Variants in MAP2K5 observed in about 807,000 individuals in gnomAD.
The protein encoded by MAP2K5 is dual specificity mitogen-activated protein kinase kinase 5.
Under a neutral mutation model 83.1 loss-of-function variants are expected in MAP2K5, and 49 were observed. That is an observed-to-expected ratio of 0.59 (90% CI 0.47 to 0.75). The LOEUF is 0.75. Ranked by LOEUF, MAP2K5 falls within the 30% of genes least tolerant of loss-of-function variation. The pLI is 0.00. For missense variants in MAP2K5, 457 were observed against 557.5 expected (o/e 0.82, Z 1.82); for synonymous variants, 202 against 191.8 (o/e 1.05, Z -0.44).
At chr15:67,626,505 C>T (rs1038987440) in intron 8 of MAP2K5, among the ~76,000 whole-genome samples, 6 of 151,898 alleles carry the variant, frequency 4.0e-5, no homozygotes, top group Admixed American at 3.3e-4. Context: ...CTAGTCTGGG[C>T]GACAGAGCAA....
chr15:67,582,680 G>A (rs959982684), intron 4 of MAP2K5, among the ~76,000 whole-genome samples: 2 of 151,982 alleles, frequency 1.3e-5, no homozygotes, highest in East Asian at 3.9e-4. Flanking sequence ...AAATTAGCCG[G>A]GCGTGGTGCA....
Position 67,693,501 on chromosome 15 carries a change from A to T in MAP2K5, c.922-17A>T. 1.3e-6 allele frequency: 2 copies of T among 1,599,514 alleles called. No individual in the cohort carries two copies. The highest frequency in any genetic ancestry group is 2.2e-5 in the South Asian group (2 of 90,000). On this transcript the variant is annotated splice_polypyrimidine_tract_variant and intron_variant, in intron 14 of 21. Transcript: ENST00000178640. ...CATTATCTTTATATTGTTCTAACAGACTGTTTTGTCTCATAGCTGGTGAAT... is the reference window on the plus strand; with the variant it reads ...CATTATCTTTATATTGTTCTAACAGTCTGTTTTGTCTCATAGCTGGTGAAT...
Position 67,794,609 on chromosome 15 carries a change from G to C in MAP2K5, c.1243-12037G>C, listed in dbSNP as rs997007575. On this transcript the variant is annotated intron_variant, in intron 21 of 21. Transcript: ENST00000178640. The surrounding 1 kb of genome is among the most constrained non-coding windows in gnomAD (Gnocchi z 4.6). ...GACCCTCAGCAGCCCATTCCACTGA[G>C]GGTCGGGTAACTCTGGAACATCACA... Among the ~76,000 whole-genome samples the C allele has an allele frequency of 3.4e-5, 5 of 148,600 alleles. No homozygotes were observed. The highest frequency in any genetic ancestry group is 1.2e-4 in the African/African-American group (5 of 40,110).
intron 13 of MAP2K5, among the ~76,000 whole-genome samples, chr15:67,681,228 G>A (rs2087808480): frequency 6.6e-6 from 1 of 152,188 alleles, no homozygotes; most frequent in African/African-American, 2.4e-5. Context: ...AGGATATGAT[G>A]TACAAGATCA....
At chr15:67,658,374 C>A (rs1047406100) in intron 11 of MAP2K5, among the ~76,000 whole-genome samples, 179 bp from the exon 12 acceptor site, 6 of 152,092 alleles carry the variant, frequency 3.9e-5, no homozygotes, top group Non-Finnish European at 7.4e-5. Flanking sequence ...TCTAGTTATA[C>A]TTCATCAGGA....
In MAP2K5 at chr15:67,749,657, C is replaced by T. The variant is rs2089677766; in HGVS notation, c.1134+1056C>T. ...TCCTTAATGGTTGCATCAGTCAGTC[C>T]ATATATCCCCTGCAAGCCATAATCC... On this transcript the variant is annotated intron_variant, in intron 19 of 21. Transcript: ENST00000178640. This position sits in a 1 kb window ranked among gnomAD's most constrained non-coding sequence, Gnocchi z 4.6. Among the ~76,000 whole-genome samples the T allele has an allele frequency of 6.6e-6, 1 of 152,050 alleles. No homozygotes were observed. The highest frequency in any genetic ancestry group is 6.5e-5 in the Admixed American group (1 of 15,270).
intron 8 of MAP2K5, among the ~76,000 whole-genome samples, chr15:67,629,574 T>C (rs2086415706): frequency 6.6e-6 from 1 of 152,160 alleles, no homozygotes; most frequent in Non-Finnish European, 1.5e-5. Flanking sequence ...TATTTTTGTT[T>C]TAAGAAAGGG....
chr15:67,596,840 T>G (rs1596620830), intron 7 of MAP2K5, among the ~76,000 whole-genome samples: 1 of 152,228 alleles, frequency 6.6e-6, no homozygotes, highest in South Asian at 2.1e-4. Context: ...TTATTTACTT[T>G]TTTAGTCAAA....
At chr15:67,632,870 T>C (rs1217684207) in intron 9 of MAP2K5, among the ~76,000 whole-genome samples, 2 of 152,354 alleles carry the variant, frequency 1.3e-5, no homozygotes. Context: ...TCACATCTAG[T>C]ACAGCACCTA....
Position 67,543,290 on chromosome 15 carries a change from C to A in MAP2K5, c.-46C>A, listed in dbSNP as rs1246344529. The A allele has an allele frequency of 1.2e-6, 2 of 1,611,600 alleles. No individual in the cohort carries two copies. Among genetic ancestry groups the A allele is most frequent in the Admixed American group, 3.3e-5 (2 of 59,962 alleles). ...CTTGGAGCCCCCTCCTAACCAGCGG[C>A]CAGTGGGTTTCCCATACCCCAGGAT... On this transcript the variant is annotated 5_prime_UTR_variant, in exon 1 of 22. Transcript: ENST00000178640. The surrounding 1 kb of genome is among the most constrained non-coding windows in gnomAD (Gnocchi z 4.3).
rs976420213 is a variant in MAP2K5, at chr15:67,576,655, C to T, written c.253-4099C>T. ...TTATCGCTGCAGTTACTGCATGTAA[C>T]GGATTATGCAAGGGGTAACAGGAGA... is the stretch of plus-strand genomic sequence containing the variant. On this transcript the variant is annotated intron_variant, in intron 3 of 21. Coordinates refer to ENST00000178640, the MANE Select transcript of MAP2K5 (RefSeq NM_145160.3). Among the ~76,000 whole-genome samples, 5 of 147,312 alleles carry T rather than the reference C, an allele frequency of 3.4e-5. 2 individuals are homozygous for T. The highest frequency in any genetic ancestry group is 6.0e-5 in the Non-Finnish European group (4 of 66,386).
chr15:67,745,617 T>C (rs2141270503), intron 17 of MAP2K5, among the ~76,000 whole-genome samples: 1 of 152,326 alleles, frequency 6.6e-6, no homozygotes, highest in South Asian at 2.1e-4. Flanking sequence ...AATATGACTG[T>C]GGCATTAAAT....
At chr15:67,695,268 A>G (rs1048606998) in intron 15 of MAP2K5, among the ~76,000 whole-genome samples, 4 of 152,098 alleles carry the variant, frequency 2.6e-5, no homozygotes, top group African/African-American at 9.7e-5. Context: ...ATGATAATAA[A>G]TTTAAAAAAA....
intron 16 of MAP2K5, among the ~76,000 whole-genome samples, chr15:67,706,680 G>A (rs1174237226): frequency 2.0e-5 from 3 of 152,174 alleles, no homozygotes; most frequent in Non-Finnish European, 4.4e-5. Context: ...CTATAGGATT[G>A]TAGCCCCTGA....
chr15:67,545,347 A>G (rs1435752741), intron 1 of MAP2K5, among the ~76,000 whole-genome samples: 1 of 152,218 alleles, frequency 6.6e-6, no homozygotes, highest in Non-Finnish European at 1.5e-5. Context: ...TACTTGTTTA[A>G]GAAGGGAGCT....
intron 13 of MAP2K5, among the ~76,000 whole-genome samples, chr15:67,681,809 T>G (rs2087824918): frequency 6.6e-6 from 1 of 152,242 alleles, no homozygotes; most frequent in African/African-American, 2.4e-5. Flanking sequence ...TTGTATTTTC[T>G]TTGAGAAAAT....
chr15:67,671,240 A>G (rs1299166804), intron 13 of MAP2K5, among the ~76,000 whole-genome samples: 1 of 152,214 alleles, frequency 6.6e-6, no homozygotes. Flanking sequence ...CATAAAAGAA[A>G]AGAAAGAGAA....
chr15:67,647,285 T>G (rs1259787599), intron 11 of MAP2K5, among the ~76,000 whole-genome samples: 1 of 152,190 alleles, frequency 6.6e-6, no homozygotes, highest in African/African-American at 2.4e-5. Flanking sequence ...TGCTCTAAAT[T>G]AGTTATAGTA....
intron 13 of MAP2K5, among the ~76,000 whole-genome samples, chr15:67,667,072 C>T (rs1327059961): frequency 6.6e-6 from 1 of 152,182 alleles, no homozygotes; most frequent in African/African-American, 2.4e-5. Flanking sequence ...GTCAAAGAAG[C>T]CAGGTGTCCC....
Sources: allele counts gnomAD v4.1 joint callset (sites outside exome capture counted in the v4.1 genomes callset), GRCh38; gene constraint gnomAD v4.1.1; non-coding constraint Gnocchi (gnomAD v3.1); transcripts MANE v1.5; gene names NCBI Gene and HGNC (gene_info 2026-07-23, HGNC 2026-07-21).